RUNX3: variants seen among roughly 807,000 people sequenced by gnomAD.
RUNX3 encodes runt-related transcription factor 3.
In RUNX3, 10 loss-of-function variants were observed where a neutral mutation model predicts 27.7. The ratio of observed to expected loss-of-function variants is 0.36; its 90% confidence interval spans 0.22 to 0.61. RUNX3 has a LOEUF of 0.61. RUNX3 is among the 20% of genes least tolerant of loss of function. The pLI is 0.72. For missense variants in RUNX3, 469 were observed against 629.5 expected (o/e 0.75, Z 2.73); for synonymous variants, 270 against 269.2 (o/e 1.00, Z -0.03).
intron 1 of RUNX3, among the ~76,000 whole-genome samples, chr1:24,928,249 T>C (rs780747250): frequency 7.2e-5 from 11 of 152,342 alleles, no homozygotes; most frequent in Middle Eastern, 6.8e-3. Flanking sequence ...CTGCAGAGCC[T>C]AAATTCGTTA....
chr1:24,922,205 T>C (rs1369333610), intron 2 of RUNX3, among the ~76,000 whole-genome samples: 1 of 150,474 alleles, frequency 6.6e-6, no homozygotes, highest in Non-Finnish European at 1.5e-5. Flanking sequence ...CTTTTTTTTT[T>C]TTTTCAAGCT....
chr1:24,929,671 G>C lies in RUNX3; in HGVS notation c.198C>G (p.Leu66=), dbSNP rs139319032. The C allele has an allele frequency of 2.2e-5, 35 of 1,597,670 alleles. No homozygotes were observed. Among genetic ancestry groups the C allele is most frequent in the Middle Eastern group, 1.8e-4 (1 of 5,562 alleles). ...GGAAGTTGGGGCTGTCGGTGCGCAC[G>C]AGCTCGCCTGCGTGGTCCGCCAGCA... The part of the protein sequence containing the change: ...VDVLADHAGE[L]VRTDSPNFLC... The change falls in exon 1 of 5, where the codon CTC becomes CTG. Residue 66 remains leucine (L), a synonymous_variant. Transcript: ENST00000308873.
At chr1:24,909,264 T>C (rs1045884366) in intron 3 of RUNX3, among the ~76,000 whole-genome samples, 10 of 152,206 alleles carry the variant, frequency 6.6e-5, no homozygotes, top group African/African-American at 2.4e-4. Flanking sequence ...TTTACAAAAA[T>C]AAAAGCATTA....
At position 24,905,743 on chromosome 1, in the gene RUNX3, C is replaced by T. The variant is rs146346698; in HGVS notation, c.703+1516G>A. ...GGATTCTGGCTCCCCCGCTGAGCCC[C>T]GATCCCCTGGCCTGGCTCTGTCCAT... On this transcript the variant is annotated intron_variant, in intron 4 of 4. Transcript: ENST00000308873. Among the ~76,000 whole-genome samples, 108 of 152,356 alleles carry T rather than the reference C, an allele frequency of 7.1e-4. 1 individual carries two copies. The highest frequency in any genetic ancestry group is 2.7e-3 in the South Asian group (13 of 4,828).
At chr1:24,954,701 C>T (rs939099189) in intron 2 of RUNX3, among the ~76,000 whole-genome samples, 1 of 152,244 alleles carries the variant, frequency 6.6e-6, no homozygotes, top group Non-Finnish European at 1.5e-5. Context: ...CAACCACGGA[C>T]GTGGCCATCC....
At position 24,927,069 on chromosome 1, in the gene RUNX3, C is replaced by T. The variant is rs1235767948; in HGVS notation, c.439+505G>A. Among the ~76,000 whole-genome samples, 1 of 152,146 alleles carries T rather than the reference C, an allele frequency of 6.6e-6. No homozygotes were observed. The highest frequency in any genetic ancestry group is 1.5e-5 in the Non-Finnish European group (1 of 68,030). On this transcript the variant is annotated intron_variant, in intron 2 of 4. Coordinates refer to ENST00000308873, the MANE Select transcript of RUNX3 (RefSeq NM_004350.3). This position sits in a 1 kb window ranked among gnomAD's most constrained non-coding sequence, Gnocchi z 5.0. ...CAGCTGCGTTAGCTTCCGTTCTAGA[C>T]CACCTAGGGCTCAAAGGCGCTGGGA... is the stretch of plus-strand genomic sequence containing the variant.
chr1:24,947,141 C>T (rs1300922716), intron 2 of RUNX3, among the ~76,000 whole-genome samples: 1 of 152,200 alleles, frequency 6.6e-6, no homozygotes, highest in Admixed American at 6.5e-5. Context: ...TCCCATCTTA[C>T]AGGTGAGAAC....
intron 2 of RUNX3, among the ~76,000 whole-genome samples, chr1:24,937,975 T>G (rs1641387214): frequency 6.6e-6 from 1 of 152,228 alleles, no homozygotes; most frequent in Non-Finnish European, 1.5e-5. Flanking sequence ...TTGTGTCTTC[T>G]TCCACTCTTT....
In RUNX3 at chr1:24,904,110, C is replaced by A. The variant is rs1022895975; in HGVS notation, c.704-1444G>T. Among the ~76,000 whole-genome samples the A allele has an allele frequency of 2.0e-5, 3 of 152,102 alleles. No homozygotes were observed. Among genetic ancestry groups the A allele is most frequent in the Admixed American group, 2.0e-4 (3 of 15,260 alleles). ...CTGGCAGCCGGGGGAGGTGGATGAG[C>A]CCCCAGCAGTGGTCCAGAGGTGCAG... On this transcript the variant is annotated intron_variant, in intron 4 of 4. Coordinates refer to ENST00000308873, the MANE Select transcript of RUNX3 (RefSeq NM_004350.3). The surrounding 1 kb of genome is among the most constrained non-coding windows in gnomAD (Gnocchi z 5.7).
chr1:24,901,955 G>T lies in RUNX3; in HGVS notation c.*167C>A. The T allele has an allele frequency of 1.5e-6, 1 of 646,520 alleles. No individual in the cohort carries two copies. The highest frequency in any genetic ancestry group is 2.6e-6 in the Non-Finnish European group (1 of 380,640). 40.0% of individuals were successfully genotyped at this position (646,520 alleles called of 1,614,324 possible). ...AACCTATGCCTCTGTACAAGGATGTGGCTGCACAGATGCAGCCAGAGGCTC... is the reference window on the plus strand; with the variant it reads ...AACCTATGCCTCTGTACAAGGATGTTGCTGCACAGATGCAGCCAGAGGCTC... On this transcript the variant is annotated 3_prime_UTR_variant, in exon 5 of 5. Transcript: ENST00000308873.
rs2124232189 is a variant in RUNX3 at position 24,901,256 on chromosome 1, T to G, written c.*866A>C. 6.6e-6 allele frequency: 1 copy of G among 152,434 alleles called. No individual in the cohort carries two copies. Among genetic ancestry groups the G allele is most frequent in the Non-Finnish European group, 1.5e-5 (1 of 67,968 alleles). 9.4% of individuals were successfully genotyped at this position (152,434 alleles called of 1,614,324 possible). ...CTGCTAGGACCTATCTATCTGGCCC[T>G]CCTGTTCTCTCCACAAATGGAATTA... On this transcript the variant is annotated 3_prime_UTR_variant, in exon 5 of 5. Coordinates refer to ENST00000308873, the MANE Select transcript of RUNX3 (RefSeq NM_004350.3).
At chr1:24,919,497 G>T in intron 2 of RUNX3, 153 bp from the exon 3 acceptor site, 1 of 544,882 alleles carries the variant, frequency 1.8e-6, no homozygotes, top group South Asian at 2.2e-5. Context: ...GGCTCTGGGT[G>T]AAGTTCAAGC....
Position 24,912,097 on chromosome 1 carries a change from G to C in RUNX3, c.545-4680C>G, listed in dbSNP as rs1162325175. On this transcript the variant is annotated intron_variant, in intron 3 of 4. Coordinates refer to ENST00000308873, the MANE Select transcript of RUNX3 (RefSeq NM_004350.3). ...GAAGTTCCAGTGCCTGAGGAAAGAA[G>C]ATGGTCTTCAGAAAAAGCCTCTTTC... Among the ~76,000 whole-genome samples the C allele has an allele frequency of 2.0e-5, 3 of 152,216 alleles. No homozygotes were observed. In the East Asian group the frequency reaches 5.8e-4, roughly 29 times the overall value.
At chr1:24,919,533 T>G (rs1557842175) in intron 2 of RUNX3, 189 bp from the exon 3 acceptor site, 3 of 498,544 alleles carry the variant, frequency 6.0e-6, no homozygotes, top group Non-Finnish European at 1.1e-5. Context: ...TCAAGGCCCC[T>G]GGGGGTCTGA....
intron 2 of RUNX3, among the ~76,000 whole-genome samples, chr1:24,946,956 T>G (rs961538108): frequency 3.3e-5 from 5 of 152,212 alleles, no homozygotes; most frequent in African/African-American, 9.7e-5. Context: ...AAGGCCCAGA[T>G]GCTTAGTTCC....
intron 4 of RUNX3, among the ~76,000 whole-genome samples, chr1:24,906,360 C>T (rs1571301791): frequency 6.6e-6 from 1 of 152,198 alleles, no homozygotes; most frequent in Non-Finnish European, 1.5e-5. Context: ...TCTAACCAGG[C>T]TCTGGGGAAT....
intron 3 of RUNX3, among the ~76,000 whole-genome samples, chr1:24,914,481 G>A (rs1398800320): frequency 1.3e-5 from 2 of 152,176 alleles, no homozygotes; most frequent in Non-Finnish European, 2.9e-5. Flanking sequence ...GCTGTGAATC[G>A]GCCCCCTGTG....
chr1:24,905,734 G>A (rs778647049), intron 4 of RUNX3, among the ~76,000 whole-genome samples: 1 of 152,218 alleles, frequency 6.6e-6, no homozygotes, highest in African/African-American at 2.4e-5. Flanking sequence ...TGGCTCCCCC[G>A]CTGAGCCCCG....
At chr1:24,932,146 C>T (rs1641244955), upstream of RUNX3, among the ~76,000 whole-genome samples, 1 of 152,242 alleles carries the variant, frequency 6.6e-6, no homozygotes, top group Non-Finnish European at 1.5e-5. Flanking sequence ...TTGCACCGTG[C>T]CCTTTGCTTG....
Sources: allele counts gnomAD v4.1 joint callset (sites outside exome capture counted in the v4.1 genomes callset), GRCh38; gene constraint gnomAD v4.1.1; non-coding constraint Gnocchi (gnomAD v3.1); transcripts MANE v1.5; gene names NCBI Gene and HGNC (gene_info 2026-07-23, HGNC 2026-07-21).